Variants in CHN1 observed in about 807,000 individuals in gnomAD.
The protein encoded by CHN1 is chimerin 1, also known as N-chimaerin.
In CHN1, 37 loss-of-function variants were observed where a neutral mutation model predicts 59.5. The observed-to-expected ratio is 0.62, with a 90% CI of 0.48 to 0.82. The LOEUF is 0.82. Ranked by LOEUF, CHN1 falls within the 40% of genes least tolerant of loss-of-function variation. The probability of loss-of-function intolerance (pLI) is 0.00; values close to 1 mark genes in which losing one functional copy is unlikely to be tolerated. For synonymous variants in CHN1, 206 were observed against 200.4 expected, an observed-to-expected ratio of 1.03 and a Z score of -0.24; for missense variants, 469 against 571.0, an observed-to-expected ratio of 0.82 and a Z score of 1.82.
chr2:174,975,501 A>C (rs1394196170), intron 1 of CHN1, among the ~76,000 whole-genome samples: 1 of 152,162 alleles, frequency 6.6e-6, no homozygotes. Flanking sequence ...TACTAAAAAA[A>C]CAAGAACCTT....
chr2:174,823,566 G>A (rs1309821896), intron 8 of CHN1, among the ~76,000 whole-genome samples: 1 of 152,116 alleles, frequency 6.6e-6, no homozygotes, highest in African/African-American at 2.4e-5. Context: ...GGGAGGCTGA[G>A]GCAGGAGAAT....
Position 174,934,358 on chromosome 2 carries a change from C to A in CHN1, c.114+10530G>T, listed in dbSNP as rs549200827. On this transcript the variant is annotated intron_variant, in intron 3 of 12. Transcript: ENST00000409900. ...GCAGTTCACAATAGGGGTCACACTCCTATGAGAATCTAATGCCACTACTGA... is the reference window on the plus strand; with the variant it reads ...GCAGTTCACAATAGGGGTCACACTCATATGAGAATCTAATGCCACTACTGA... 3.3e-5 allele frequency among the ~76,000 whole-genome samples: 5 copies of A among 152,316 alleles called. No homozygotes were observed. The South Asian group carries it at 1.0e-3, about 32-fold the overall frequency.
At chr2:174,904,081 G>A (rs148212571) in intron 5 of CHN1, among the ~76,000 whole-genome samples, 6,279 of 151,776 alleles carry the variant, frequency 0.041, 462 homozygotes, top group African/African-American at 0.14. Flanking sequence ...TGACCAACAT[G>A]GAGAAACCCC....
At chr2:174,961,286 C>A (rs1690398589) in intron 1 of CHN1, among the ~76,000 whole-genome samples, 1 of 151,732 alleles carries the variant, frequency 6.6e-6, no homozygotes, top group Non-Finnish European at 1.5e-5. Flanking sequence ...TTTGTTAATT[C>A]ATTTAAAAAT....
intron 8 of CHN1, chr2:174,821,790 T>C (rs1490601628): frequency 4.6e-6 from 2 of 437,014 alleles, no homozygotes; most frequent in Admixed American, 5.1e-5. Flanking sequence ...CTGTGAGAAA[T>C]AAATTTCTGT....
chr2:174,891,140 C>CAAAAAAAAAAAA (rs58016502), intron 5 of CHN1, among the ~76,000 whole-genome samples: 3 of 24,428 alleles, frequency 1.2e-4, no homozygotes, highest in African/African-American at 1.0e-4. Flanking sequence ...GACTCCATCT[C>CAAAAAAAAAAAA]AAAAAAAAAA....
chr2:174,853,895 C>T (rs954994831), intron 6 of CHN1, among the ~76,000 whole-genome samples: 1 of 152,046 alleles, frequency 6.6e-6, no homozygotes, highest in Non-Finnish European at 1.5e-5. Context: ...AAATGCTGAG[C>T]ATGCACGAAC....
intron 3 of CHN1, among the ~76,000 whole-genome samples, chr2:174,922,387 A>G (rs1297372669): frequency 2.6e-5 from 4 of 152,178 alleles, no homozygotes; most frequent in Non-Finnish European, 5.9e-5. Flanking sequence ...TGCACTGTTC[A>G]TAGTCATTTT....
At chr2:174,974,894 TTAATAC>T (rs1364458499) in intron 1 of CHN1, among the ~76,000 whole-genome samples, 50 of 77,274 alleles carry the variant, frequency 6.5e-4, no homozygotes, top group Admixed American at 1.5e-3. Flanking sequence ...TAAGAAATAA[TTAATAC>T]ACACACACAC....
chr2:175,004,203 CTG>C (rs932159098), intron 1 of CHN1, among the ~76,000 whole-genome samples: 10 of 152,076 alleles, frequency 6.6e-5, no homozygotes, highest in African/African-American at 2.4e-4. Context: ...TCATTGCAGA[CTG>C]AGAAAAAAAC....
Position 174,811,997 on chromosome 2 carries a change from G to C in CHN1, c.886+312C>G, listed in dbSNP as rs1249011740. 3.7e-5 allele frequency: 10 copies of C among 267,826 alleles called. No homozygotes were observed. In the East Asian group the frequency reaches 6.9e-4, roughly 18 times the overall value. 16.6% of individuals were successfully genotyped at this position (267,826 alleles called of 1,614,324 possible). On this transcript the variant is annotated intron_variant, in intron 9 of 12. Transcript: ENST00000409900. ...TAGAGCATTTATACTTTTGCTTTTT[G>C]AACCAAAGAAAAATTTAAAAACTGA...
intron 1 of CHN1, among the ~76,000 whole-genome samples, chr2:175,003,983 A>G (rs1691977521): frequency 6.6e-6 from 1 of 152,216 alleles, no homozygotes; most frequent in Non-Finnish European, 1.5e-5. Flanking sequence ...TTAAAACTGA[A>G]CTGGAAACTT....
intron 1 of CHN1, among the ~76,000 whole-genome samples, chr2:174,968,515 A>G (rs1690659857): frequency 6.6e-6 from 1 of 152,272 alleles, no homozygotes; most frequent in Admixed American, 6.5e-5. Context: ...CTTTTAATTA[A>G]CTATGCTTTT....
intron 8 of CHN1, among the ~76,000 whole-genome samples, chr2:174,821,528 G>A (rs555193239): frequency 6.6e-6 from 1 of 152,328 alleles, no homozygotes; most frequent in Admixed American, 6.5e-5. Flanking sequence ...ATTAAGAGAA[G>A]GGACCTTTCA....
intron 11 of CHN1, 101 bp downstream of exon 11, chr2:174,808,804 G>T: frequency 7.8e-7 from 1 of 1,284,000 alleles, no homozygotes. Flanking sequence ...AGGCAAAGGG[G>T]AAACATTTCA....
At chr2:174,931,559 A>G (rs1689348229) in intron 3 of CHN1, among the ~76,000 whole-genome samples, 1 of 152,224 alleles carries the variant, frequency 6.6e-6, no homozygotes, top group South Asian at 2.1e-4. Context: ...CCTGGGAAAT[A>G]CTGATAAACA....
intron 3 of CHN1, among the ~76,000 whole-genome samples, chr2:174,919,532 A>C (rs1688945309): frequency 6.6e-6 from 1 of 152,208 alleles, no homozygotes; most frequent in African/African-American, 2.4e-5. Context: ...TTTAAAGATC[A>C]CTGAATCCTC....
chr2:174,936,142 G>A (rs904733782), intron 3 of CHN1, among the ~76,000 whole-genome samples: 1 of 152,010 alleles, frequency 6.6e-6, no homozygotes, highest in Non-Finnish European at 1.5e-5. Flanking sequence ...CCTAGAGAAA[G>A]ACAACCTCAT....
chr2:174,847,505 T>A, intron 6 of CHN1: 1 of 1,206,502 alleles, frequency 8.3e-7, no homozygotes, highest in South Asian at 2.1e-5. Flanking sequence ...TTCTTCTCTA[T>A]TCAAGATATT....
Sources: allele counts gnomAD v4.1 joint callset (sites outside exome capture counted in the v4.1 genomes callset), GRCh38; gene constraint gnomAD v4.1.1; transcripts MANE v1.5; gene names NCBI Gene and HGNC (gene_info 2026-07-23, HGNC 2026-07-21).